Variants in HRH2 observed in about 807,000 individuals in gnomAD.
HRH2 encodes the protein histamine H2 receptor.
HRH2 carries 4 observed loss-of-function variants against 20.1 expected under a neutral mutation model. That is an observed-to-expected ratio of 0.20 (90% CI 0.10 to 0.45). The LOEUF is 0.45. HRH2 is among the 20% of genes least tolerant of loss of function. The probability of loss-of-function intolerance (pLI) is 0.99; values close to 1 mark genes in which losing one functional copy is unlikely to be tolerated. For synonymous variants in HRH2, 197 were observed against 200.7 expected (o/e 0.98, Z 0.16); for missense variants, 250 against 461.6 (o/e 0.54, Z 4.20).
intron 2 of HRH2, chr5:175,685,355 A>T (rs1756134437): frequency 6.7e-7 from 1 of 1,482,978 alleles, no homozygotes; most frequent in Non-Finnish European, 9.2e-7. Flanking sequence ...CTCAGAGGAT[A>T]CCTGGCACAT....
rs1175173431 is a variant in HRH2, at chr5:175,691,829, A to G, written c.1076+7520A>G. Among the ~76,000 whole-genome samples the G allele has an allele frequency of 3.3e-5, 5 of 150,534 alleles. No homozygotes were observed. The Admixed American group carries it at 3.3e-4, about 10-fold the overall frequency. The stretch of plus-strand genomic sequence containing the variant: ...ACCTGGGAGGCGGAGGTTGCAGTGC[A>G]CTCCAGCCTAGGTGACAGAGCAAGA... On this transcript the variant is annotated intron_variant, in intron 2 of 2. Transcript: ENST00000636584.
intron 2 of HRH2, among the ~76,000 whole-genome samples, chr5:175,696,007 T>C (rs1321222588): frequency 6.6e-6 from 1 of 152,260 alleles, no homozygotes; most frequent in Non-Finnish European, 1.5e-5. Flanking sequence ...CACTGCTAAA[T>C]GCCCAGGGGC....
At position 175,663,367 on chromosome 5, in the gene HRH2, C is replaced by T. The variant is rs78109183; in HGVS notation, c.-526+5212C>T. Reference sequence around the variant, plus strand: ...CTAGCCATCCTTGTGGGTGTGAAGTCGTGTCATTGTGGTTTCGGTTTACAT... The same window carrying T: ...CTAGCCATCCTTGTGGGTGTGAAGTTGTGTCATTGTGGTTTCGGTTTACAT... On this transcript the variant is annotated intron_variant, in intron 1 of 2. Coordinates refer to ENST00000636584, the MANE Select transcript of HRH2 (RefSeq NM_001367711.1). 4.2e-4 allele frequency among the ~76,000 whole-genome samples: 64 copies of T among 152,230 alleles called. No individual in the cohort carries two copies. The East Asian group carries it at 0.01, about 25-fold the overall frequency.
intron 2 of HRH2, among the ~76,000 whole-genome samples, chr5:175,703,674 C>T (rs1756858563): frequency 6.6e-6 from 1 of 151,722 alleles, no homozygotes. Flanking sequence ...GTTAAGATAA[C>T]AGAATAAAAA....
chr5:175,668,811 T>C (rs1255817301), intron 1 of HRH2, among the ~76,000 whole-genome samples: 1 of 152,036 alleles, frequency 6.6e-6, no homozygotes, highest in Non-Finnish European at 1.5e-5. Context: ...AGCAAGGTCA[T>C]GGCAGAGTTG....
chr5:175,685,038 T>C (rs1756122107), intron 2 of HRH2, among the ~76,000 whole-genome samples: 1 of 151,958 alleles, frequency 6.6e-6, no homozygotes. Context: ...CACTGACTCA[T>C]GAGAGAGGAA....
chr5:175,668,420 G>T (rs1038440041), intron 1 of HRH2, among the ~76,000 whole-genome samples: 1 of 152,140 alleles, frequency 6.6e-6, no homozygotes, highest in Non-Finnish European at 1.5e-5. Flanking sequence ...GGGTGCAGGG[G>T]AATATTACTC....
intron 1 of HRH2, among the ~76,000 whole-genome samples, chr5:175,679,884 A>C (rs1755902824): frequency 6.6e-6 from 1 of 152,208 alleles, no homozygotes; most frequent in Non-Finnish European, 1.5e-5. Flanking sequence ...GGTATTAAGT[A>C]CAGGCCAAAG....
At chr5:175,695,768 A>G (rs1756554997) in intron 2 of HRH2, among the ~76,000 whole-genome samples, 1 of 151,888 alleles carries the variant, frequency 6.6e-6, no homozygotes, top group African/African-American at 2.4e-5. Flanking sequence ...CCTCAAGGAG[A>G]AGGGGCCACC....
chr5:175,669,673 G>A (rs548260146), intron 1 of HRH2, among the ~76,000 whole-genome samples: 1 of 152,306 alleles, frequency 6.6e-6, no homozygotes, highest in South Asian at 2.1e-4. Context: ...TTCAGTGTTT[G>A]TGTTTATTTC....
chr5:175,686,740 C>T lies in HRH2; in HGVS notation c.1076+2431C>T, dbSNP rs1756186011. ...TGGACCCTTGAGACTCAGGGCCTCA[C>T]TTCATCCTCCACACAACCCTGTGAA... On this transcript the variant is annotated intron_variant, in intron 2 of 2. Coordinates refer to ENST00000636584, the MANE Select transcript of HRH2 (RefSeq NM_001367711.1). The surrounding 1 kb of genome is among the most constrained non-coding windows in gnomAD (Gnocchi z 4.7). 6.6e-6 allele frequency among the ~76,000 whole-genome samples: 1 copy of T among 152,198 alleles called. No homozygotes were observed. Among genetic ancestry groups the T allele is most frequent in the Admixed American group, 6.5e-5 (1 of 15,284 alleles).
At chr5:175,676,188 A>G (rs1554110002) in intron 1 of HRH2, among the ~76,000 whole-genome samples, 1 of 152,264 alleles carries the variant, frequency 6.6e-6, no homozygotes, top group Non-Finnish European at 1.5e-5. Context: ...ACAGACTCCT[A>G]GAAGTGCAAC....
chr5:175,705,281 G>A (rs764707067), intron 2 of HRH2, among the ~76,000 whole-genome samples: 9 of 152,144 alleles, frequency 5.9e-5, no homozygotes, highest in Non-Finnish European at 8.8e-5. Flanking sequence ...AGTCCTTGGT[G>A]GTAATGCTGC....
At chr5:175,674,069 GA>G (rs1755668525) in intron 1 of HRH2, among the ~76,000 whole-genome samples, 1 of 152,152 alleles carries the variant, frequency 6.6e-6, no homozygotes, top group South Asian at 2.1e-4. Flanking sequence ...AAAAACTAAG[GA>G]ATTTTGTCAT....
intron 1 of HRH2, among the ~76,000 whole-genome samples, chr5:175,671,900 A>G (rs1464022209): frequency 6.6e-6 from 1 of 152,136 alleles, no homozygotes; most frequent in East Asian, 1.9e-4. Context: ...ACTTTGTAAG[A>G]TAGTAAGCCC....
chr5:175,697,758 C>T (rs1223882204), intron 2 of HRH2, among the ~76,000 whole-genome samples: 1 of 152,246 alleles, frequency 6.6e-6, no homozygotes, highest in African/African-American at 2.4e-5. Context: ...GACCTTCATA[C>T]TCCGACTACA....
At chr5:175,696,384 G>A (rs147594184) in intron 2 of HRH2, among the ~76,000 whole-genome samples, 1,708 of 152,344 alleles carry the variant, frequency 0.011, 12 homozygotes, top group Non-Finnish European at 0.019. Context: ...TGCCTTATAA[G>A]GCAGGGAGCC....
At chr5:175,689,111 A>G (rs1756276331) in intron 2 of HRH2, among the ~76,000 whole-genome samples, 2 of 152,106 alleles carry the variant, frequency 1.3e-5, no homozygotes, top group Admixed American at 1.3e-4. Context: ...GCCCCTGACT[A>G]GCTCTCTGAA....
chr5:175,664,795 G>A (rs1237899586), intron 1 of HRH2, among the ~76,000 whole-genome samples: 5 of 152,080 alleles, frequency 3.3e-5, no homozygotes, highest in African/African-American at 1.2e-4. Flanking sequence ...CCACCACCAT[G>A]CATGCTGCTT....
Sources: allele counts gnomAD v4.1 joint callset (sites outside exome capture counted in the v4.1 genomes callset), GRCh38; gene constraint gnomAD v4.1.1; non-coding constraint Gnocchi (gnomAD v3.1); transcripts MANE v1.5; gene names NCBI Gene and HGNC (gene_info 2026-07-23, HGNC 2026-07-21).